Variants in CNTN1 observed in about 807,000 individuals in gnomAD.
The protein encoded by CNTN1 is contactin-1.
A neutral mutation model predicts 126.4 loss-of-function variants in CNTN1; 38 were observed. The observed-to-expected ratio is 0.30, with a 90% CI of 0.23 to 0.39. The LOEUF (loss-of-function observed/expected upper bound fraction) is 0.39, where lower values mean the gene tolerates loss of function less well. Among genes scored for constraint, CNTN1 ranks in the 10% least tolerant of loss-of-function variants. The pLI is 1.00. For missense variants in CNTN1, 1,009 were observed against 1,248.4 expected (o/e 0.81, Z 2.89); for synonymous variants, 413 against 422.6 (o/e 0.98, Z 0.28).
intron 1 of CNTN1, among the ~76,000 whole-genome samples, chr12:40,860,949 G>T (rs1943097626): frequency 6.6e-6 from 1 of 151,992 alleles, no homozygotes; most frequent in Non-Finnish European, 1.5e-5. Flanking sequence ...TACTACAAAA[G>T]ATACTTCCAT....
At chr12:40,899,561 T>A (rs1394226619) in intron 1 of CNTN1, among the ~76,000 whole-genome samples, 1 of 152,158 alleles carries the variant, frequency 6.6e-6, no homozygotes, top group African/African-American at 2.4e-5. Flanking sequence ...ATCTTCTAAT[T>A]TTTAGAGATG....
At position 41,027,890 on chromosome 12, in the gene CNTN1, T is replaced by A; in HGVS notation, c.2744T>A (p.Val915Glu). The A allele has an allele frequency of 6.2e-7, 1 of 1,613,800 alleles. No individual in the cohort carries two copies. The highest frequency in any genetic ancestry group is 8.5e-7 in the Non-Finnish European group (1 of 1,179,732). The change falls in exon 22 of 24, where the codon GTA (valine) becomes GAA (glutamate). Residue 915 changes from valine (V) to glutamate (E), a missense_variant. Coordinates refer to ENST00000551295, the MANE Select transcript of CNTN1 (RefSeq NM_001843.4). ...CAGCCTCCAAGGATCATCAGTTCAG[T>A]AAGGTCTGGTTCACGCTATATAATC... ...PSQPPRIISS[V>E]RSGSRYIITW...
At chr12:40,912,413 A>C (rs1257343474) in intron 3 of CNTN1, among the ~76,000 whole-genome samples, 3 of 149,010 alleles carry the variant, frequency 2.0e-5, no homozygotes, top group East Asian at 2.0e-4. Context: ...AAAAAAAAAA[A>C]CCTGCAGCTA....
At chr12:40,958,236 GATATA>G (rs1401155668) in intron 14 of CNTN1, among the ~76,000 whole-genome samples, 2 of 151,574 alleles carry the variant, frequency 1.3e-5, no homozygotes, top group Non-Finnish European at 2.9e-5. Flanking sequence ...TAATCAAATG[GATATA>G]ATAAGACCTA....
At position 40,871,250 on chromosome 12, in the gene CNTN1, A is replaced by G. The variant is rs141527936; in HGVS notation, c.-76-37107A>G. On this transcript the variant is annotated intron_variant, in intron 1 of 23. Coordinates refer to ENST00000551295, the MANE Select transcript of CNTN1 (RefSeq NM_001843.4). The stretch of plus-strand genomic sequence containing the variant: ...AGCTAGAGGATGATAAACACAGGGT[A>G]TGGTATTCTGTGCTATGTTCAGGAA... 2.0e-3 allele frequency among the ~76,000 whole-genome samples: 298 copies of G among 151,154 alleles called. 5 individuals are homozygous for G. The highest frequency in any genetic ancestry group is 0.018 in the Admixed American group (271 of 15,122).
intron 1 of CNTN1, among the ~76,000 whole-genome samples, chr12:40,852,475 A>G (rs549193451): frequency 1.7e-4 from 26 of 151,774 alleles, no homozygotes; most frequent in Admixed American, 3.3e-4. Context: ...GATTTCCTAC[A>G]TATCATTCAT....
chr12:40,706,778 CT>C (rs1285391279), intron 1 of CNTN1, among the ~76,000 whole-genome samples: 8 of 152,094 alleles, frequency 5.3e-5, no homozygotes, highest in Non-Finnish European at 1.0e-4. Flanking sequence ...TGCTGTATAA[CT>C]GATACATTAT....
intron 1 of CNTN1, among the ~76,000 whole-genome samples, chr12:40,886,437 A>C (rs886741419): frequency 4.6e-5 from 7 of 152,108 alleles, no homozygotes; most frequent in Admixed American, 4.6e-4. Context: ...GTAAAAGTTA[A>C]GAGTCTTTTA....
intron 1 of CNTN1, among the ~76,000 whole-genome samples, chr12:40,881,753 G>T (rs1422987956): frequency 1.3e-5 from 2 of 151,706 alleles, no homozygotes; most frequent in African/African-American, 4.8e-5. Flanking sequence ...TAGGTGATTT[G>T]GGTTTACCGT....
intron 1 of CNTN1, among the ~76,000 whole-genome samples, chr12:40,831,468 A>C (rs1014447325): frequency 4.6e-5 from 7 of 152,106 alleles, no homozygotes; most frequent in Non-Finnish European, 7.4e-5. Flanking sequence ...AATCTACAAC[A>C]AAGAGTGATT....
At chr12:40,699,449 G>A (rs1399655329) in intron 1 of CNTN1, among the ~76,000 whole-genome samples, 1 of 151,988 alleles carries the variant, frequency 6.6e-6, no homozygotes, top group Non-Finnish European at 1.5e-5. Context: ...ATTTTGTAAT[G>A]AAAAGCATGC....
At chr12:40,936,433 T>C (rs1946083891) in intron 9 of CNTN1, among the ~76,000 whole-genome samples, 1 of 152,134 alleles carries the variant, frequency 6.6e-6, no homozygotes, top group Non-Finnish European at 1.5e-5. Flanking sequence ...TGAATTGAGA[T>C]GTAATTCTTT....
At chr12:41,037,361 T>C (rs1949289173) in intron 23 of CNTN1, among the ~76,000 whole-genome samples, 1 of 152,140 alleles carries the variant, frequency 6.6e-6, no homozygotes, top group African/African-American at 2.4e-5. Flanking sequence ...ACACTTTTGC[T>C]GTACCTTTTC....
At chr12:40,999,704 T>A (rs1948308295) in intron 17 of CNTN1, among the ~76,000 whole-genome samples, 1 of 143,410 alleles carries the variant, frequency 7.0e-6, no homozygotes, top group Middle Eastern at 3.5e-3. Flanking sequence ...GTGCTTTTTT[T>A]TTTTTTTTTT....
intron 10 of CNTN1, among the ~76,000 whole-genome samples, chr12:40,937,124 CTTAT>C (rs1946108619): frequency 6.6e-6 from 1 of 151,948 alleles, no homozygotes; most frequent in African/African-American, 2.4e-5. Flanking sequence ...TCTCTCTCTC[CTTAT>C]TTTTTTCCTT....
At chr12:40,696,247 T>C (rs542711843) in intron 1 of CNTN1, among the ~76,000 whole-genome samples, 15 of 152,252 alleles carry the variant, frequency 9.9e-5, no homozygotes, top group Admixed American at 9.2e-4. Flanking sequence ...CTGGCTTTTA[T>C]CAATGGAGAC....
At chr12:40,929,619 T>C (rs1037497318) in intron 6 of CNTN1, among the ~76,000 whole-genome samples, 177 bp from the exon 7 acceptor site, 1 of 152,042 alleles carries the variant, frequency 6.6e-6, no homozygotes, top group Non-Finnish European at 1.5e-5. Context: ...ATGCTTATAT[T>C]CATGTGAAAT....
intron 1 of CNTN1, among the ~76,000 whole-genome samples, chr12:40,815,639 A>G (rs756979393): frequency 2.0e-5 from 3 of 151,984 alleles, no homozygotes; most frequent in South Asian, 4.2e-4. Context: ...GACACCCCTT[A>G]TTTCTTTCTG....
intron 1 of CNTN1, among the ~76,000 whole-genome samples, chr12:40,839,625 C>T (rs1440190675): frequency 6.6e-6 from 1 of 152,134 alleles, no homozygotes; most frequent in African/African-American, 2.4e-5. Context: ...GGATGATCTA[C>T]TCAGTGCTGA....
Sources: gnomAD v4.1 joint callset for allele counts (sites outside exome capture counted in the v4.1 genomes callset) on GRCh38, gnomAD v4.1.1 for gene constraint, MANE v1.5 for transcripts, NCBI Gene and HGNC (gene_info 2026-07-23, HGNC 2026-07-21) for gene names.